PPP3CA: variants seen among roughly 807,000 people sequenced by gnomAD.
PPP3CA encodes the protein CAM-PRP catalytic subunit.
Under a neutral mutation model 66.5 loss-of-function variants are expected in PPP3CA, and 14 were observed. The ratio of observed to expected loss-of-function variants is 0.21; its 90% CI spans 0.14 to 0.33. PPP3CA has a LOEUF of 0.33. PPP3CA is among the 10% of genes least tolerant of loss of function. PPP3CA has a pLI of 1.00. For synonymous variants in PPP3CA, 232 were observed against 226.2 expected, an observed-to-expected ratio of 1.03 and a Z score of -0.23; for missense variants, 317 against 639.5, an observed-to-expected ratio of 0.50 and a Z score of 5.44.
At chr4:101,346,620 C>T (rs2110348172) in intron 1 of PPP3CA, 119 bp downstream of exon 1, 5 of 874,854 alleles carry the variant, frequency 5.7e-6, no homozygotes, top group Non-Finnish European at 7.2e-6. Context: ...AGAAGGTCCG[C>T]GGCTGGAGCG....
intron 1 of PPP3CA, among the ~76,000 whole-genome samples, chr4:101,307,280 A>G (rs967262314): frequency 1.3e-5 from 2 of 151,912 alleles, no homozygotes; most frequent in Non-Finnish European, 2.9e-5. Flanking sequence ...CCCTAGCTCC[A>G]CTTGTGATTA....
In PPP3CA at chr4:101,093,911, T is replaced by C; in HGVS notation, c.647A>G (p.Asp216Gly). 6.3e-7 allele frequency: 1 copy of C among 1,596,974 alleles called. No individual in the cohort carries two copies. The highest frequency in any genetic ancestry group is 8.5e-7 in the Non-Finnish European group (1 of 1,174,130). The change falls in exon 6 of 14, where the codon GAC becomes GGC. Residue 216 changes from aspartate to glycine, a missense_variant. By Grantham distance (94) the Asp-to-Gly change is moderately conservative (BLOSUM62 -1). Transcript: ENST00000394854. Reference sequence around the variant, plus strand: ...ATATGCAGGTGGTTCTTTGAATCGGTCTAACTAAGAAAAATAGAAGACAGA... The same window carrying C: ...ATATGCAGGTGGTTCTTTGAATCGGCCTAACTAAGAAAAATAGAAGACAGA... ...INTLDDIRKLDRFKEPPAYGP... is the reference protein window; with the variant it reads ...INTLDDIRKLGRFKEPPAYGP...
intron 1 of PPP3CA, chr4:101,330,448 C>T (rs775685130): frequency 7.5e-6 from 4 of 533,188 alleles, no homozygotes; most frequent in African/African-American, 1.9e-5. Context: ...GCAACAGCCA[C>T]CCCAAGACAC....
At chr4:101,266,376 G>A (rs926232315) in intron 1 of PPP3CA, among the ~76,000 whole-genome samples, 4 of 152,048 alleles carry the variant, frequency 2.6e-5, no homozygotes, top group African/African-American at 9.7e-5. Context: ...TTAAGTGAAT[G>A]CATTTTTCAA....
At chr4:101,284,750 A>G (rs901284909) in intron 1 of PPP3CA, among the ~76,000 whole-genome samples, 1 of 152,156 alleles carries the variant, frequency 6.6e-6, no homozygotes, top group African/African-American at 2.4e-5. Flanking sequence ...TAAAAGGCAC[A>G]GAAAACATTC....
chr4:101,085,606 T>C (rs1729630314), intron 6 of PPP3CA, among the ~76,000 whole-genome samples: 1 of 152,150 alleles, frequency 6.6e-6, no homozygotes, highest in Non-Finnish European at 1.5e-5. Flanking sequence ...TCAAAACATA[T>C]GCCATCATAT....
chr4:101,303,312 G>T (rs765121328), intron 1 of PPP3CA, among the ~76,000 whole-genome samples: 10 of 152,030 alleles, frequency 6.6e-5, no homozygotes, highest in Non-Finnish European at 1.5e-4. Flanking sequence ...TCTCCAGCAA[G>T]ATACACTAGC....
At chr4:101,117,800 G>A (rs1286492311) in intron 2 of PPP3CA, among the ~76,000 whole-genome samples, 1 of 151,834 alleles carries the variant, frequency 6.6e-6, no homozygotes, top group African/African-American at 2.4e-5. Flanking sequence ...TATTTGATAT[G>A]TGAATTTATT....
intron 2 of PPP3CA, among the ~76,000 whole-genome samples, chr4:101,194,212 G>A (rs1578541194): frequency 6.6e-6 from 1 of 151,996 alleles, no homozygotes; most frequent in East Asian, 1.9e-4. Flanking sequence ...AGCATTGCCA[G>A]ACAAAAATAA....
At chr4:101,032,390 T>TTAAC (rs765128803) in intron 11 of PPP3CA, 26 bp from the exon 12 acceptor site, 16 of 1,567,046 alleles carry the variant, frequency 1.0e-5, no homozygotes, top group East Asian at 6.8e-5. Flanking sequence ...AGGGGCGACA[T>TTAAC]TAACTTTTAA....
chr4:101,248,825 A>G (rs1726573944), intron 1 of PPP3CA, among the ~76,000 whole-genome samples: 1 of 152,224 alleles, frequency 6.6e-6, no homozygotes. Flanking sequence ...TTATCTTAAA[A>G]TCATCTGTCA....
At chr4:101,235,049 G>T (rs1405850673) in intron 1 of PPP3CA, among the ~76,000 whole-genome samples, 1 of 151,688 alleles carries the variant, frequency 6.6e-6, no homozygotes, top group Non-Finnish European at 1.5e-5. Context: ...GAGTGAATCA[G>T]ATAGGTATCT....
chr4:101,049,559 G>A (rs1477879817), intron 10 of PPP3CA, among the ~76,000 whole-genome samples: 1 of 151,992 alleles, frequency 6.6e-6, no homozygotes, highest in African/African-American at 2.4e-5. Flanking sequence ...TCTAATCAAA[G>A]ATTGCTCTTG....
chr4:101,106,453 G>A (rs927363436), intron 3 of PPP3CA, among the ~76,000 whole-genome samples: 10 of 35,498 alleles, frequency 2.8e-4, no homozygotes, highest in South Asian at 1.1e-3. Flanking sequence ...AAGAAAGAAA[G>A]AGAAAAGAAA....
intron 1 of PPP3CA, among the ~76,000 whole-genome samples, chr4:101,338,254 C>T (rs995377159): frequency 2.6e-5 from 4 of 152,124 alleles, no homozygotes; most frequent in African/African-American, 9.7e-5. Flanking sequence ...TGCTGGCTAC[C>T]GAGCAAAATC....
chr4:101,040,565 A>G lies in PPP3CA; in HGVS notation c.1158T>C (p.Gly386=). The part of the protein sequence containing the change: ...ELGSEEDGFD[G]ATAAARKEVI... ...CCTCTTTCCGGGCTGCAGCTGTTGC[A>G]CCTGTATTTTCAAACAGAGTTCAGT... The change falls in exon 11 of 14, where the codon GGT becomes GGC. Residue 386 remains glycine (G), a splice_region_variant and synonymous_variant. Transcript: ENST00000394854. The G allele has an allele frequency of 6.2e-7, 1 of 1,610,468 alleles. No individual in the cohort carries two copies. Among genetic ancestry groups the G allele is most frequent in the Non-Finnish European group, 8.5e-7 (1 of 1,178,732 alleles).
chr4:101,329,372 A>G (rs1231138489), intron 1 of PPP3CA, among the ~76,000 whole-genome samples: 1 of 152,230 alleles, frequency 6.6e-6, no homozygotes, highest in Non-Finnish European at 1.5e-5. Flanking sequence ...AAAGTTGGAA[A>G]TTAGCAGAAG....
At chr4:101,167,486 G>A (rs4698912) in intron 2 of PPP3CA, among the ~76,000 whole-genome samples, 74,278 of 151,978 alleles carry the variant, frequency 0.49, 19,530 homozygotes, top group Middle Eastern at 0.63. Flanking sequence ...TAGACACTGG[G>A]AATAGGGCAA....
At chr4:101,074,853 C>T (rs1729113308) in intron 8 of PPP3CA, among the ~76,000 whole-genome samples, 1 of 152,090 alleles carries the variant, frequency 6.6e-6, no homozygotes, top group African/African-American at 2.4e-5. Context: ...GCAAATGATG[C>T]TGTAGTAGTC....
Sources: allele counts gnomAD v4.1 joint callset (sites outside exome capture counted in the v4.1 genomes callset), GRCh38; gene constraint gnomAD v4.1.1; transcripts MANE v1.5; gene names NCBI Gene and HGNC (gene_info 2026-07-23, HGNC 2026-07-21).